Variants in SP140L observed in about 807,000 individuals in gnomAD.
The protein encoded by SP140L is SP140 like nuclear body protein.
SP140L carries 64 observed loss-of-function variants against 84.3 expected under a neutral mutation model. The ratio of observed to expected loss-of-function variants is 0.76; its 90% confidence interval spans 0.62 to 0.94. The LOEUF (loss-of-function observed/expected upper bound fraction) is 0.94. Ranked by LOEUF, SP140L falls within the 40% of genes least tolerant of loss-of-function variation. The probability of loss-of-function intolerance (pLI) is 0.00; values close to 1 mark genes in which losing one functional copy is unlikely to be tolerated. For missense variants in SP140L, 628 were observed against 692.5 expected, an observed-to-expected ratio of 0.91 and a Z score of 1.05; for synonymous variants, 242 against 236.9, an observed-to-expected ratio of 1.02 and a Z score of -0.20.
chr2:230,370,684 A>C (rs1228050683), intron 5 of SP140L, among the ~76,000 whole-genome samples: 2 of 151,678 alleles, frequency 1.3e-5, no homozygotes, highest in Admixed American at 6.5e-5. Context: ...TAATGAAAAA[A>C]AGACAAAAGA....
At chr2:230,356,092 G>T (rs1029907384) in intron 2 of SP140L, among the ~76,000 whole-genome samples, 1 of 152,076 alleles carries the variant, frequency 6.6e-6, no homozygotes, top group Non-Finnish European at 1.5e-5. Context: ...CCTGATTAAA[G>T]AAATACAAAT....
intron 7 of SP140L, 45 bp downstream of exon 7, chr2:230,371,696 A>T: frequency 6.9e-7 from 1 of 1,457,000 alleles, no homozygotes; most frequent in Non-Finnish European, 9.5e-7. Flanking sequence ...TTACAAATAC[A>T]TTTTTAATGC....
intron 11 of SP140L, among the ~76,000 whole-genome samples, chr2:230,391,109 C>T (rs986585454): frequency 6.6e-6 from 1 of 152,214 alleles, no homozygotes; most frequent in South Asian, 2.1e-4. Flanking sequence ...AGATATACCA[C>T]ATTTTGTTTA....
intron 2 of SP140L, among the ~76,000 whole-genome samples, chr2:230,351,410 C>T (rs2060360124): frequency 6.6e-6 from 1 of 150,654 alleles, no homozygotes; most frequent in South Asian, 2.1e-4. Context: ...CTGTTCAGGT[C>T]CATGTTGGAG....
intron 2 of SP140L, among the ~76,000 whole-genome samples, chr2:230,351,829 TAG>T (rs1434760480): frequency 6.6e-6 from 1 of 152,110 alleles, no homozygotes; most frequent in Non-Finnish European, 1.5e-5. Context: ...GTATTTTTTG[TAG>T]AGAGAGCCTT....
intron 13 of SP140L, 24 bp from the exon 14 acceptor site, chr2:230,396,733 T>C (rs765607051): frequency 6.2e-7 from 1 of 1,612,320 alleles, no homozygotes; most frequent in Non-Finnish European, 8.5e-7. Context: ...ATATCATAAA[T>C]CAATCTTTCT....
chr2:230,338,103 G>A (rs1326522922), intron 2 of SP140L, among the ~76,000 whole-genome samples: 33 of 134,890 alleles, frequency 2.4e-4, no homozygotes, highest in African/African-American at 8.4e-4. Context: ...CCATTTTCAC[G>A]ATATTGATTC....
At chr2:230,369,884 C>T (rs918132763) in intron 5 of SP140L, among the ~76,000 whole-genome samples, 8 of 152,186 alleles carry the variant, frequency 5.3e-5, no homozygotes. Context: ...AGTGATTCTC[C>T]TGCCTCAGCC....
rs561268578 is a variant in SP140L, at chr2:230,343,304, G to A, written c.107+14473G>A. ...TGTGTTCATGTGTTCTCAACATTCC[G>A]CTCCCACTTATAAGTTAGAACATGT... On this transcript the variant is annotated intron_variant, in intron 2 of 18. Transcript: ENST00000415673. Among the ~76,000 whole-genome samples, 100 of 147,518 alleles carry A rather than the reference G, an allele frequency of 6.8e-4. 9 individuals carry two copies. The highest frequency in any genetic ancestry group is 1.2e-3 in the Non-Finnish European group (78 of 66,718).
intron 2 of SP140L, among the ~76,000 whole-genome samples, chr2:230,355,988 C>G (rs1276191727): frequency 1.3e-5 from 2 of 152,010 alleles, no homozygotes; most frequent in African/African-American, 2.4e-5. Context: ...AAATAAAATT[C>G]TATAATATAA....
chr2:230,368,313 T>G (rs2060950128), intron 5 of SP140L, among the ~76,000 whole-genome samples: 1 of 152,190 alleles, frequency 6.6e-6, no homozygotes, highest in South Asian at 2.1e-4. Flanking sequence ...TCCTGGTGTG[T>G]AAGGTTTTTG....
rs569622173 is a variant in SP140L at position 230,381,907 on chromosome 2, G to A, written c.638-1603G>A. Among the ~76,000 whole-genome samples the A allele has an allele frequency of 5.3e-5, 8 of 152,296 alleles. No homozygotes were observed. The South Asian group carries it at 1.2e-3, about 24-fold the overall frequency. On this transcript the variant is annotated intron_variant, in intron 7 of 18. Coordinates refer to ENST00000415673, the MANE Select transcript of SP140L (RefSeq NM_138402.6). ...AATCCCCAGAGCACACAAGGTGTTC[G>A]AAGAAGGGAAGTGTTTACAATTGTT... is the stretch of plus-strand genomic sequence containing the variant.
chr2:230,392,590 C>G (rs142668820), intron 12 of SP140L, among the ~76,000 whole-genome samples: 33 of 152,274 alleles, frequency 2.2e-4, no homozygotes, highest in African/African-American at 6.7e-4. Flanking sequence ...GGCATGAAAA[C>G]AAGAACCATA....
chr2:230,362,466 C>G (rs1467195623), intron 5 of SP140L, among the ~76,000 whole-genome samples: 1 of 151,842 alleles, frequency 6.6e-6, no homozygotes, highest in African/African-American at 2.4e-5. Context: ...GAAATGCACT[C>G]ATGTAGAGAG....
At chr2:230,358,053 G>A in intron 3 of SP140L, 86 bp downstream of exon 3, 2 of 1,494,120 alleles carry the variant, frequency 1.3e-6, no homozygotes, top group Non-Finnish European at 1.8e-6. Context: ...AGTAGAAAAG[G>A]AGAGGAGAAG....
intron 10 of SP140L, among the ~76,000 whole-genome samples, chr2:230,389,050 C>A (rs1480117053): frequency 6.6e-6 from 1 of 152,324 alleles, no homozygotes; most frequent in Non-Finnish European, 1.5e-5. Flanking sequence ...TTTAAAAAAT[C>A]TTTGACTGTG....
chr2:230,337,485 G>A (rs1293787985), intron 2 of SP140L, among the ~76,000 whole-genome samples: 3 of 150,604 alleles, frequency 2.0e-5, no homozygotes, highest in Admixed American at 2.0e-4. Context: ...CTGTGCAGAA[G>A]CTCTTTAGTT....
In SP140L at chr2:230,328,778, A is replaced by C. The variant is rs755054698; in HGVS notation, c.54A>C (p.Ser18=). The C allele has an allele frequency of 4.3e-6, 7 of 1,612,944 alleles. No homozygotes were observed. Among genetic ancestry groups the C allele is most frequent in the Admixed American group, 1.7e-5 (1 of 59,858 alleles). Residue 18 remains serine, a synonymous_variant, in exon 2 of 19, where the codon TCA becomes TCC. Coordinates refer to ENST00000415673, the MANE Select transcript of SP140L (RefSeq NM_138402.6). ...TTAGGGGGCTGAACGGAGGTGTTTCACAAGTAGCAAATGAGATGAACCATC... is the reference window on the plus strand; with the variant it reads ...TTAGGGGGCTGAACGGAGGTGTTTCCCAAGTAGCAAATGAGATGAACCATC... The part of the protein sequence containing the change: ...LSTRGLNGGV[S]QVANEMNHLP...
chr2:230,401,049 C>T lies in SP140L; in HGVS notation c.1408C>T (p.Pro470Ser). 2 of 1,329,446 alleles carry T rather than the reference C, an allele frequency of 1.5e-6. No homozygotes were observed. Among genetic ancestry groups the T allele is most frequent in the Non-Finnish European group, 2.1e-6 (2 of 965,826 alleles). The allele number at this position is 1,329,446 out of a possible 1,614,324, so 82.4% of individuals were successfully genotyped here. A position where few individuals can be genotyped will look rare whatever the true frequency, so the allele number is the denominator to read the frequency against. The change falls in exon 16 of 19, where the codon CCT becomes TCT. Residue 470 changes from proline (P) to serine (S), a missense_variant. Physicochemically the swap from Pro to Ser is moderately conservative, Grantham distance 74. Transcript: ENST00000415673. ...TGAGGTCCTGGAGAGGCAGATGTGT[C>T]CTGAGGAACAGTTGGTAAATCAGAT... ...ESEVLERQMCPEEQLKCEFLL... is the reference protein window; with the variant it reads ...ESEVLERQMCSEEQLKCEFLL...
Sources: allele counts gnomAD v4.1 joint callset (sites outside exome capture counted in the v4.1 genomes callset), GRCh38; gene constraint gnomAD v4.1.1; transcripts MANE v1.5; gene names NCBI Gene and HGNC (gene_info 2026-07-23, HGNC 2026-07-21).